KHDC4: variants seen among roughly 807,000 people sequenced by gnomAD.
The protein encoded by KHDC4 is KH domain containing 4, pre-mRNA splicing factor.
A neutral mutation model predicts 74.5 loss-of-function variants in KHDC4; 19 were observed. That is an observed-to-expected ratio of 0.26 (90% CI 0.18 to 0.37). KHDC4 has a LOEUF of 0.37. Among genes scored for constraint, KHDC4 ranks in the 10% least tolerant of loss-of-function variants. KHDC4 has a pLI of 1.00. For synonymous variants in KHDC4, 253 were observed against 266.1 expected, an observed-to-expected ratio of 0.95 and a Z score of 0.48; for missense variants, 632 against 754.1, an observed-to-expected ratio of 0.84 and a Z score of 1.90.
intron 8 of KHDC4, among the ~76,000 whole-genome samples, chr1:155,922,226 A>T (rs1673883674): frequency 1.3e-5 from 2 of 148,690 alleles, no homozygotes; most frequent in Admixed American, 1.4e-4. Context: ...GCTCACTGCA[A>T]CCTCCACCTT....
In KHDC4 at chr1:155,923,605, G is replaced by A. The variant is rs185946335; in HGVS notation, c.954+22C>T. The A allele has an allele frequency of 3.2e-6, 5 of 1,582,098 alleles. No individual in the cohort carries two copies. The Admixed American group carries it at 8.3e-5, about 26-fold the overall frequency. On this transcript the variant is annotated intron_variant, in intron 8 of 13. Transcript: ENST00000368321. ...AAATGGCAATTGCTCTTCTGAATGA[G>A]TATCAGACAAATACAACTCACTGTT...
At chr1:155,929,265 C>T (rs369840520) in intron 4 of KHDC4, 31 bp downstream of exon 4, 25 of 1,495,492 alleles carry the variant, frequency 1.7e-5, no homozygotes, top group Admixed American at 5.0e-5. Context: ...TACACCCAAC[C>T]CTTCCATAAA....
intron 10 of KHDC4, among the ~76,000 whole-genome samples, chr1:155,920,846 TGA>T (rs891668272): frequency 2.0e-5 from 3 of 152,346 alleles, no homozygotes; most frequent in African/African-American, 7.2e-5. Context: ...TTCCAATTAC[TGA>T]GAGGTGTGGT....
At position 155,922,191 on chromosome 1, in the gene KHDC4, G is replaced by C. The variant is rs1218248946; in HGVS notation, c.955-273C>G. Reference sequence around the variant, plus strand: ...GAGACAGTCTCACTCTGTCACCCAGGGTACAATGCAATGGCATGGTCTCAG... The same window carrying C: ...GAGACAGTCTCACTCTGTCACCCAGCGTACAATGCAATGGCATGGTCTCAG... On this transcript the variant is annotated intron_variant, in intron 8 of 13. Coordinates refer to ENST00000368321, the MANE Select transcript of KHDC4 (RefSeq NM_014949.4). 2.1e-5 allele frequency among the ~76,000 whole-genome samples: 3 copies of C among 142,236 alleles called. 1 individual carries two copies. Among genetic ancestry groups the C allele is most frequent in the South Asian group, 4.4e-4 (2 of 4,504 alleles). 93.3% of individuals were successfully genotyped at this position (142,236 alleles called of 152,430 possible). A position where few individuals can be genotyped will look rare whatever the true frequency, so the allele number is the denominator to read the frequency against.
chr1:155,931,475 T>A (rs1321567391), intron 2 of KHDC4, among the ~76,000 whole-genome samples: 3 of 152,172 alleles, frequency 2.0e-5, no homozygotes, highest in Admixed American at 1.3e-4. Flanking sequence ...GCGTCTGTAG[T>A]CGCAGCTACT....
At chr1:155,923,909 T>C (rs1673923082) in intron 7 of KHDC4, among the ~76,000 whole-genome samples, 1 of 152,212 alleles carries the variant, frequency 6.6e-6, no homozygotes. Context: ...CTCTGAGTAA[T>C]GGTACTTCTC....
Position 155,916,624 on chromosome 1 carries a change from C to T in KHDC4, c.1553+1G>A, listed in dbSNP as rs1203247583. 1 of 1,594,342 alleles carries T rather than the reference C, an allele frequency of 6.3e-7. No individual in the cohort carries two copies. Among genetic ancestry groups the T allele is most frequent in the Non-Finnish European group, 8.6e-7 (1 of 1,163,820 alleles). ...ACATTTGCATAATTATTCCAACTTA[C>T]CTGTCCCTCTCTCTCTCTTTGCCTG... is the stretch of plus-strand genomic sequence containing the variant. On this transcript the variant is annotated splice_donor_variant, in intron 12 of 13. Transcript: ENST00000368321. LOFTEE classifies it high-confidence loss of function.
At chr1:155,922,587 A>T (rs927677260) in intron 8 of KHDC4, among the ~76,000 whole-genome samples, 1 of 152,188 alleles carries the variant, frequency 6.6e-6, no homozygotes, top group Non-Finnish European at 1.5e-5. Context: ...GTAACTAGGA[A>T]ATTTCCAAGT....
intron 5 of KHDC4, 95 bp downstream of exon 5, chr1:155,927,009 G>A: frequency 7.4e-7 from 1 of 1,356,222 alleles, no homozygotes; most frequent in Non-Finnish European, 1.1e-6. Flanking sequence ...ACAAGGGTTA[G>A]AACAGCCATC....
Position 155,929,777 on chromosome 1 carries a change from C to T in KHDC4, c.319G>A (p.Val107Ile). 4 of 1,612,848 alleles carry T rather than the reference C, an allele frequency of 2.5e-6. No homozygotes were observed. The highest frequency in any genetic ancestry group is 3.4e-6 in the Non-Finnish European group (4 of 1,179,494). The change falls in exon 3 of 14, where the codon GTA becomes ATA. Residue 107 changes from valine (V) to isoleucine (I), a missense_variant. Val to Ile is a conservative substitution (Grantham distance 29). Coordinates refer to ENST00000368321, the MANE Select transcript of KHDC4 (RefSeq NM_014949.4). The part of the protein sequence containing the change: ...KSKDDLVVAE[V>I]EINDVPLTCR... ...GTGAGAGGCACATCATTAATTTCTA[C>T]TTCAGCTACCACCAGGTCATCCTTG...
Position 155,929,351 on chromosome 1 carries a change from C to A in KHDC4, c.409G>T (p.Val137Leu), listed in dbSNP as rs773957053. The change falls in exon 4 of 14, where the codon GTA (valine) becomes TTA (leucine). Residue 137 changes from valine (V) to leucine (L), a missense_variant. Coordinates refer to ENST00000368321, the MANE Select transcript of KHDC4 (RefSeq NM_014949.4). ...GTCATGAACCTCCCTCGAGTTGATA[C>A]TGCAGCCCCACTAAGTCGGCTGATC... ...DEISRLSGAA[V>L]STRGRFMTTE... The A allele has an allele frequency of 7.4e-6, 12 of 1,614,018 alleles. No homozygotes were observed. Among genetic ancestry groups the A allele is most frequent in the Non-Finnish European group, 9.3e-6 (11 of 1,179,934 alleles).
In KHDC4 at chr1:155,929,366, G is replaced by C. The variant is rs141534409; in HGVS notation, c.394C>G (p.Leu132Val). ...RGQTQDEISR[L>V]SGAAVSTRGR... Reference sequence around the variant, plus strand: ...CGAGTTGATACTGCAGCCCCACTAAGTCGGCTGATCTAAAAAAGGAAATGT... The same window carrying C: ...CGAGTTGATACTGCAGCCCCACTAACTCGGCTGATCTAAAAAAGGAAATGT... The change falls in exon 4 of 14, where the codon CTT becomes GTT. Residue 132 changes from leucine to valine, a missense_variant. This residue lies in a region of KHDC4 where 233 missense variants were observed against 342.6 expected (regional missense o/e 0.68). Coordinates refer to ENST00000368321, the MANE Select transcript of KHDC4 (RefSeq NM_014949.4). 1.7e-5 allele frequency: 28 copies of C among 1,612,964 alleles called. 1 individual carries two copies. In the African/African-American group the frequency reaches 2.3e-4, roughly 13 times the overall value.
At chr1:155,926,325 CT>C (rs34342755) in intron 6 of KHDC4, 5,168 of 173,604 alleles carry the variant, frequency 0.03, 4 homozygotes, top group South Asian at 0.053. Flanking sequence ...TTACTTGGCA[CT>C]TTTTTTTTTT....
chr1:155,926,688 G>T lies in KHDC4; in HGVS notation c.669C>A (p.Pro223=), dbSNP rs370433890. 6.2e-7 allele frequency: 1 copy of T among 1,614,140 alleles called. No homozygotes were observed. ...CCCCAAAACATACCCCTGACTGGAA[G>T]GGAGGCTTCTGGCTAACAGCTGGAG... ...QLSPAVSQKP[P]FQSGMHYVQD... The change falls in exon 6 of 14, where the codon CCC becomes CCA. Residue 223 remains proline, a synonymous_variant. Transcript: ENST00000368321.
chr1:155,929,398 A>T (rs760479898), intron 3 of KHDC4, 23 bp from the exon 4 acceptor site: 23 of 1,588,944 alleles, frequency 1.4e-5, no homozygotes, highest in Non-Finnish European at 1.1e-5. Flanking sequence ...ATGTTCAATT[A>T]AAAAAATGTG....
Position 155,925,749 on chromosome 1 carries a change from T to C in KHDC4, c.776A>G (p.Tyr259Cys), listed in dbSNP as rs774421904. Residue 259 changes from tyrosine (Y) to cysteine (C), a missense_variant, in exon 7 of 14, where the codon TAT becomes TGT. Physicochemically the swap from Tyr to Cys is radical, Grantham distance 194. Transcript: ENST00000368321. ...TGTTTCAATCTGAATGTGCTGCAAATAGGAGCAGCCTGGACCTTCCACCTT... is the reference window on the plus strand; with the variant it reads ...TGTTTCAATCTGAATGTGCTGCAAACAGGAGCAGCCTGGACCTTCCACCTT... ...KEKVEGPGCS[Y>C]LQHIQIETGA... The C allele has an allele frequency of 6.2e-7, 1 of 1,614,192 alleles. No homozygotes were observed. Among genetic ancestry groups the C allele is most frequent in the Non-Finnish European group, 8.5e-7 (1 of 1,180,036 alleles).
chr1:155,926,533 G>C, intron 6 of KHDC4, 143 bp downstream of exon 6: 2 of 871,362 alleles, frequency 2.3e-6, no homozygotes, highest in Non-Finnish European at 3.7e-6. Flanking sequence ...GGTCAGGCTG[G>C]TCCAAATTCC....
chr1:155,914,890 T>G (rs139244454), intron 13 of KHDC4: 3 of 152,886 alleles, frequency 2.0e-5, no homozygotes, highest in Non-Finnish European at 2.9e-5. Context: ...CCTCCTGGTA[T>G]TCACATAATA....
At chr1:155,916,295 A>G (rs1385705891) in intron 12 of KHDC4, among the ~76,000 whole-genome samples, 1 of 152,228 alleles carries the variant, frequency 6.6e-6, no homozygotes, top group Non-Finnish European at 1.5e-5. Flanking sequence ...TGATATTCTA[A>G]TGACTCTAAA....
Sources: gnomAD v4.1 joint callset for allele counts (sites outside exome capture counted in the v4.1 genomes callset) on GRCh38, gnomAD v4.1.1 for gene constraint, gnomAD v4.1.1 regional missense constraint, MANE v1.5 for transcripts, NCBI Gene and HGNC (gene_info 2026-07-23, HGNC 2026-07-21) for gene names.